The following FNDC3B variants were observed in gnomAD, a reference collection of about 807,000 sequenced individuals.
FNDC3B encodes the protein fibronectin type III domain containing 3B, also known as fibronectin type III domain-containing protein 3B.
FNDC3B carries 12 observed loss-of-function variants against 151.5 expected under a neutral mutation model. The observed-to-expected ratio is 0.08, with a 90% CI of 0.05 to 0.13. The LOEUF is 0.13. FNDC3B is among the 10% of genes least tolerant of loss of function. The pLI, the probability that FNDC3B is intolerant of heterozygous loss-of-function variation, is 1.00. For missense variants in FNDC3B, 1,214 were observed against 1,505.3 expected, an observed-to-expected ratio of 0.81 and a Z score of 3.20; for synonymous variants, 528 against 549.0, an observed-to-expected ratio of 0.96 and a Z score of 0.54.
intron 23 of FNDC3B, among the ~76,000 whole-genome samples, chr3:172,363,055 C>T (rs1469018142): frequency 6.6e-6 from 1 of 152,176 alleles, no homozygotes; most frequent in African/African-American, 2.4e-5. Context: ...CCTGATTTCC[C>T]TACATAGCAT....
chr3:172,175,002 T>C (rs1405697647), intron 3 of FNDC3B, among the ~76,000 whole-genome samples: 1 of 137,128 alleles, frequency 7.3e-6, no homozygotes, highest in Non-Finnish European at 1.5e-5. Flanking sequence ...TGGCCATGCT[T>C]TCTCACAGGG....
chr3:172,042,088 T>A (rs1576810497), intron 1 of FNDC3B, among the ~76,000 whole-genome samples: 1 of 151,052 alleles, frequency 6.6e-6, no homozygotes, highest in South Asian at 2.1e-4. Context: ...ATAAAAAAAA[T>A]TCATCTGTAA....
At chr3:172,229,189 C>G (rs190666960) in intron 4 of FNDC3B, among the ~76,000 whole-genome samples, 238 of 152,058 alleles carry the variant, frequency 1.6e-3, no homozygotes, top group African/African-American at 5.2e-3. Context: ...ACTAATCTGT[C>G]CCTCTGCTAG....
At chr3:172,286,576 C>A (rs1161212665) in intron 7 of FNDC3B, among the ~76,000 whole-genome samples, 1 of 152,160 alleles carries the variant, frequency 6.6e-6, no homozygotes, top group Non-Finnish European at 1.5e-5. Context: ...AATTGGAAAA[C>A]CTTGATTCTG....
At chr3:172,298,851 A>G (rs1730765034) in intron 9 of FNDC3B, 64 bp downstream of exon 9, 4 of 1,207,272 alleles carry the variant, frequency 3.3e-6, no homozygotes, top group South Asian at 1.4e-5. Context: ...AAAAACATGT[A>G]CTCCCTTTTA....
intron 3 of FNDC3B, among the ~76,000 whole-genome samples, chr3:172,166,866 C>A (rs773810773): frequency 5.0e-4 from 76 of 152,090 alleles, no homozygotes; most frequent in Non-Finnish European, 1.1e-3. Context: ...ATCTCTGTTC[C>A]TCTTCATATC....
intron 4 of FNDC3B, among the ~76,000 whole-genome samples, chr3:172,229,639 T>C (rs1726785536): frequency 6.6e-6 from 1 of 152,214 alleles, no homozygotes. Context: ...GAACTCATAT[T>C]GCCTCATGGG....
chr3:172,229,084 AACACAC>A (rs760446690), intron 4 of FNDC3B, among the ~76,000 whole-genome samples: 7,829 of 117,724 alleles, frequency 0.067, 220 homozygotes, highest in African/African-American at 0.082. Context: ...GAAAGAAAGA[AACACAC>A]ACACACACAC....
chr3:172,095,137 A>G (rs1719035691), intron 1 of FNDC3B, among the ~76,000 whole-genome samples: 1 of 152,180 alleles, frequency 6.6e-6, no homozygotes, highest in South Asian at 2.1e-4. Context: ...ATCTATTCCT[A>G]TCATCCTGTT....
chr3:172,092,588 A>G (rs1434033264), intron 1 of FNDC3B, among the ~76,000 whole-genome samples: 2 of 152,176 alleles, frequency 1.3e-5, no homozygotes, highest in Non-Finnish European at 2.9e-5. Context: ...TTCATGCATG[A>G]GGATAGGAAG....
chr3:172,115,373 AAAG>A (rs1720194379), intron 2 of FNDC3B, among the ~76,000 whole-genome samples: 1 of 151,820 alleles, frequency 6.6e-6, no homozygotes, highest in African/African-American at 2.4e-5. Flanking sequence ...GGGCCATTCA[AAAG>A]AAGAAAGAAC....
intron 23 of FNDC3B, among the ~76,000 whole-genome samples, chr3:172,369,593 A>G (rs1397257637): frequency 1.3e-5 from 2 of 152,176 alleles, no homozygotes; most frequent in African/African-American, 4.8e-5. Flanking sequence ...CAGTATTACA[A>G]CCTGATCACT....
Position 172,044,253 on chromosome 3 carries a change from A to T in FNDC3B, c.-29+4482A>T, listed in dbSNP as rs1185775097. Among the ~76,000 whole-genome samples, 51 of 122,146 alleles carry T rather than the reference A, an allele frequency of 4.2e-4. 3 individuals are homozygous for T. Among genetic ancestry groups the T allele is most frequent in the African/African-American group, 1.5e-3 (35 of 22,876 alleles). 80.1% of individuals were successfully genotyped at this position (122,146 alleles called of 152,430 possible). The stretch of plus-strand genomic sequence containing the variant: ...TAAAAGGAATTTCAACAACTTTCTG[A>T]TTTTGTATGGAATAGTGAAAATTCC... On this transcript the variant is annotated intron_variant, in intron 1 of 25. Transcript: ENST00000415807.
At chr3:172,369,155 A>C (rs894690550) in intron 23 of FNDC3B, among the ~76,000 whole-genome samples, 1 of 152,230 alleles carries the variant, frequency 6.6e-6, no homozygotes, top group Admixed American at 6.5e-5. Flanking sequence ...TTGAGATCTT[A>C]ATTGGACCAG....
chr3:172,118,163 G>A (rs1720355885), intron 2 of FNDC3B, among the ~76,000 whole-genome samples: 1 of 152,158 alleles, frequency 6.6e-6, no homozygotes, highest in African/African-American at 2.4e-5. Context: ...CAGACAGTAT[G>A]TTCAACATAT....
chr3:172,268,920 C>A (rs916230250), intron 6 of FNDC3B, among the ~76,000 whole-genome samples: 22 of 152,292 alleles, frequency 1.4e-4, no homozygotes, highest in African/African-American at 5.1e-4. Context: ...AAATAAAGGA[C>A]TTTGGGAAAA....
At chr3:172,151,187 G>A (rs1722202735) in intron 3 of FNDC3B, among the ~76,000 whole-genome samples, 1 of 152,228 alleles carries the variant, frequency 6.6e-6, no homozygotes, top group East Asian at 1.9e-4. Context: ...ATATTTGTGT[G>A]TACTCATACA....
At chr3:172,288,311 G>A (rs1730128585) in intron 7 of FNDC3B, among the ~76,000 whole-genome samples, 1 of 152,208 alleles carries the variant, frequency 6.6e-6, no homozygotes, top group Non-Finnish European at 1.5e-5. Context: ...GAGTCACTGG[G>A]CAGGGGCCTG....
intron 4 of FNDC3B, among the ~76,000 whole-genome samples, chr3:172,238,274 TCCTC>T (rs1243846235): frequency 6.6e-6 from 1 of 152,118 alleles, no homozygotes; most frequent in Non-Finnish European, 1.5e-5. Context: ...TCCCACATCA[TCCTC>T]CCAGGTAGCT....
Sources: allele counts gnomAD v4.1 joint callset (sites outside exome capture counted in the v4.1 genomes callset), GRCh38; gene constraint gnomAD v4.1.1; transcripts MANE v1.5; gene names NCBI Gene and HGNC (gene_info 2026-07-23, HGNC 2026-07-21).